Variants in MAGI2 observed in about 807,000 individuals in gnomAD.
MAGI2 encodes membrane-associated guanylate kinase, WW and PDZ domain-containing protein 2.
A neutral mutation model predicts 133.3 loss-of-function variants in MAGI2; 35 were observed. The ratio of observed to expected loss-of-function variants is 0.26; its 90% CI spans 0.20 to 0.35. The LOEUF is 0.35. MAGI2 is among the 10% of genes least tolerant of loss of function. The probability of loss-of-function intolerance (pLI) is 1.00; values close to 1 mark genes in which losing one functional copy is unlikely to be tolerated. For missense variants in MAGI2, 1,636 were observed against 1,863.4 expected (o/e 0.88, Z 2.25); for synonymous variants, 729 against 710.6 (o/e 1.03, Z -0.41).
At chr7:78,151,060 A>G (rs1823821116) in intron 16 of MAGI2, among the ~76,000 whole-genome samples, 1 of 98,160 alleles carries the variant, frequency 1.0e-5, no homozygotes, top group Non-Finnish European at 2.2e-5. Context: ...TTATATTTAT[A>G]TTTATATTTA....
At chr7:78,863,558 T>C (rs1282560721) in intron 2 of MAGI2, among the ~76,000 whole-genome samples, 3 of 152,202 alleles carry the variant, frequency 2.0e-5, no homozygotes, top group Non-Finnish European at 2.9e-5. Context: ...TCTCCCATGA[T>C]CCAAATGCCT....
At chr7:78,896,288 T>C (rs1797206611) in intron 2 of MAGI2, among the ~76,000 whole-genome samples, 1 of 152,006 alleles carries the variant, frequency 6.6e-6, no homozygotes, top group African/African-American at 2.4e-5. Context: ...TTTAGGCTCA[T>C]GTTTAGTTGT....
At chr7:78,913,687 T>C (rs1349565825) in intron 2 of MAGI2, among the ~76,000 whole-genome samples, 5 of 152,354 alleles carry the variant, frequency 3.3e-5, no homozygotes, top group Non-Finnish European at 7.3e-5. Flanking sequence ...TCAACTAATT[T>C]GACTTGCTGT....
At chr7:78,956,220 G>A (rs902741887) in intron 2 of MAGI2, among the ~76,000 whole-genome samples, 7 of 152,056 alleles carry the variant, frequency 4.6e-5, no homozygotes, top group Non-Finnish European at 2.9e-5. Context: ...TTTTTCCACA[G>A]TGTAATTTAT....
intron 1 of MAGI2, among the ~76,000 whole-genome samples, chr7:79,409,506 A>C (rs1846018586): frequency 6.6e-6 from 1 of 151,896 alleles, no homozygotes; most frequent in African/African-American, 2.4e-5. Context: ...ATTACATTAA[A>C]GTGATTGCTA....
intron 2 of MAGI2, among the ~76,000 whole-genome samples, chr7:78,982,918 C>T (rs891635656): frequency 1.3e-5 from 2 of 151,818 alleles, no homozygotes; most frequent in African/African-American, 4.8e-5. Context: ...GATTATAGGA[C>T]AGGGTTTCCC....
intron 2 of MAGI2, among the ~76,000 whole-genome samples, chr7:78,760,402 G>C (rs149017572): frequency 5.0e-5 from 5 of 100,880 alleles, no homozygotes. Flanking sequence ...TGCTCTTGTT[G>C]CCCAGGCTGG....
At chr7:78,024,896 AC>A (rs1273075323) in intron 21 of MAGI2, among the ~76,000 whole-genome samples, 1 of 152,122 alleles carries the variant, frequency 6.6e-6, no homozygotes, top group African/African-American at 2.4e-5. Context: ...GGCTACAAGA[AC>A]CCACTCTTCT....
chr7:78,995,691 T>C (rs1248470959), intron 2 of MAGI2, among the ~76,000 whole-genome samples: 7 of 152,230 alleles, frequency 4.6e-5, no homozygotes, highest in Admixed American at 2.0e-4. Context: ...TCAATGTCTG[T>C]TGCTGGTAGA....
intron 3 of MAGI2, among the ~76,000 whole-genome samples, chr7:78,602,994 T>A (rs1163682447): frequency 6.6e-6 from 1 of 152,162 alleles, no homozygotes; most frequent in Non-Finnish European, 1.5e-5. Flanking sequence ...AGAAATACGA[T>A]CAAAGCTTTA....
intron 2 of MAGI2, chr7:78,770,856 G>A: frequency 6.6e-6 from 1 of 152,596 alleles, no homozygotes; most frequent in East Asian, 1.9e-4. Context: ...CTAACCTAGA[G>A]CTCTGTTCAA....
chr7:78,119,609 A>G (rs1015282848), intron 20 of MAGI2, among the ~76,000 whole-genome samples: 5 of 151,206 alleles, frequency 3.3e-5, no homozygotes, highest in Non-Finnish European at 7.4e-5. Flanking sequence ...AGACTGAACC[A>G]TACTGTAAAC....
At chr7:79,447,851 C>T (rs921668224) in intron 1 of MAGI2, among the ~76,000 whole-genome samples, 1 of 151,766 alleles carries the variant, frequency 6.6e-6, no homozygotes, top group African/African-American at 2.4e-5. Context: ...TGATGCATTT[C>T]CTCTTTATTA....
intron 2 of MAGI2, among the ~76,000 whole-genome samples, chr7:78,856,732 T>C (rs1230380949): frequency 1.3e-5 from 2 of 152,152 alleles, no homozygotes; most frequent in African/African-American, 4.8e-5. Flanking sequence ...CTTGGCAATG[T>C]GGGCTCTTTT....
intron 2 of MAGI2, among the ~76,000 whole-genome samples, chr7:78,942,437 C>G (rs553824719): frequency 3.9e-5 from 6 of 152,216 alleles, no homozygotes; most frequent in Admixed American, 3.9e-4. Context: ...CATTCTCTTA[C>G]CATGATATAT....
At chr7:79,054,451 A>G (rs1416971029) in intron 1 of MAGI2, among the ~76,000 whole-genome samples, 4 of 152,190 alleles carry the variant, frequency 2.6e-5, no homozygotes. Context: ...TGTAAATGAC[A>G]TCATAATTCT....
chr7:78,416,240 T>C (rs954127899), intron 6 of MAGI2, among the ~76,000 whole-genome samples: 9 of 152,036 alleles, frequency 5.9e-5, no homozygotes, highest in Non-Finnish European at 1.2e-4. Flanking sequence ...CAGACAATGG[T>C]ATGATGAGAG....
intron 1 of MAGI2, among the ~76,000 whole-genome samples, chr7:79,156,914 C>T (rs945841602): frequency 6.6e-6 from 1 of 152,120 alleles, no homozygotes; most frequent in African/African-American, 2.4e-5. Context: ...AAGGTACCAG[C>T]AGGGGCCCAT....
At chr7:79,143,314 G>T (rs1413789563) in intron 1 of MAGI2, among the ~76,000 whole-genome samples, 2 of 152,162 alleles carry the variant, frequency 1.3e-5, no homozygotes, top group Non-Finnish European at 2.9e-5. Context: ...GGCTCTAGGA[G>T]AATAGCTAGG....
Sources: gnomAD v4.1 joint callset for allele counts (sites outside exome capture counted in the v4.1 genomes callset) on GRCh38, gnomAD v4.1.1 for gene constraint, MANE v1.5 for transcripts, NCBI Gene and HGNC (gene_info 2026-07-23, HGNC 2026-07-21) for gene names.